KCNG3: variants seen among roughly 807,000 people sequenced by gnomAD.
KCNG3 encodes voltage-gated potassium channel regulatory subunit KCNG3.
KCNG3 carries 15 observed loss-of-function variants against 29.0 expected under a neutral mutation model. The ratio of observed to expected loss-of-function variants is 0.52; its 90% confidence interval spans 0.35 to 0.80. The LOEUF is 0.80. Among genes scored for constraint, KCNG3 ranks in the 30% least tolerant of loss-of-function variants. The pLI, the probability that KCNG3 is intolerant of heterozygous loss-of-function variation, is 0.01. For missense variants in KCNG3, 512 were observed against 605.7 expected (o/e 0.85, Z 1.62); for synonymous variants, 322 against 248.9 (o/e 1.29, Z -2.76).
chr2:42,477,352 T>A (rs909955046), intron 1 of KCNG3, among the ~76,000 whole-genome samples: 1 of 149,074 alleles, frequency 6.7e-6, no homozygotes, highest in Non-Finnish European at 1.5e-5. Context: ...TATATATATG[T>A]GTGTGTATAT....
intron 1 of KCNG3, among the ~76,000 whole-genome samples, chr2:42,476,960 G>A (rs929638261): frequency 1.4e-5 from 2 of 147,544 alleles, no homozygotes; most frequent in Non-Finnish European, 1.5e-5. Context: ...CTGAGACGGC[G>A]AGATCACGAG....
intron 1 of KCNG3, among the ~76,000 whole-genome samples, chr2:42,475,139 G>T (rs186707727): frequency 7.0e-4 from 106 of 152,118 alleles, no homozygotes; most frequent in African/African-American, 2.6e-3. Flanking sequence ...ACCTTTCTCT[G>T]CAACAACAAA....
At chr2:42,486,500 A>C (rs547472813) in intron 1 of KCNG3, among the ~76,000 whole-genome samples, 65 of 152,300 alleles carry the variant, frequency 4.3e-4, no homozygotes, top group Admixed American at 2.2e-3. Flanking sequence ...AAGAAAATCC[A>C]AACTCCTTCC....
intron 1 of KCNG3, among the ~76,000 whole-genome samples, chr2:42,460,624 A>G (rs1427976983): frequency 1.3e-5 from 2 of 152,222 alleles, no homozygotes; most frequent in Non-Finnish European, 2.9e-5. Flanking sequence ...TAATTTGGCA[A>G]AAACAAAATC....
chr2:42,407,219 C>G, the KCNG3 span, among the ~76,000 whole-genome samples: 1 of 150,196 alleles, frequency 6.7e-6, no homozygotes, highest in African/African-American at 2.5e-5. Context: ...GCTCCATCGC[C>G]CAGGCTGGAG....
chr2:42,444,147 C>G lies in KCNG3; in HGVS notation c.1098G>C (p.Trp366Cys), dbSNP rs1672546287. ...CAACTGTAGTCATAGAGATAATCAC[C>G]CACCAGCAGGCAGCAGGAATGCTGG... ...DFTSIPAACW[W>C]VIISMTTVGY... is the part of the protein sequence containing the mutation. Residue 366 changes from tryptophan to cysteine, a missense_variant, in exon 2 of 2, where the codon TGG becomes TGC. Physicochemically the swap from Trp to Cys is radical, Grantham distance 215. Transcript: ENST00000306078. This position sits in a 1 kb window ranked among gnomAD's most constrained non-coding sequence, Gnocchi z 5.8. 1 of 1,614,012 alleles carries G rather than the reference C, an allele frequency of 6.2e-7. No individual in the cohort carries two copies. Among genetic ancestry groups the G allele is most frequent in the African/African-American group, 1.3e-5 (1 of 74,904 alleles).
the KCNG3 span, among the ~76,000 whole-genome samples, chr2:42,407,399 C>T: frequency 6.6e-6 from 1 of 152,148 alleles, no homozygotes; most frequent in Non-Finnish European, 1.5e-5. Flanking sequence ...AACTCTTGGA[C>T]TCAAATGTTC....
the KCNG3 span, among the ~76,000 whole-genome samples, chr2:42,389,279 C>A: frequency 6.6e-6 from 1 of 152,192 alleles, no homozygotes; most frequent in South Asian, 2.1e-4. Flanking sequence ...AGTCTTTCCA[C>A]ATCATCAAAC....
chr2:42,480,960 T>C lies in KCNG3; in HGVS notation c.665+11877A>G, dbSNP rs182465193. On this transcript the variant is annotated intron_variant, in intron 1 of 1. Transcript: ENST00000306078. ...CACACCTGGCTAATTTTTCTATTTT[T>C]AGTAGAGACAGGGTTTCGCCATGTT... Among the ~76,000 whole-genome samples the C allele has an allele frequency of 3.0e-3, 457 of 152,130 alleles. 3 individuals carry two copies. The highest frequency in any genetic ancestry group is 0.011 in the African/African-American group (437 of 41,510).
At chr2:42,456,076 A>G (rs1248998660) in intron 1 of KCNG3, among the ~76,000 whole-genome samples, 4 of 151,838 alleles carry the variant, frequency 2.6e-5, no homozygotes. Flanking sequence ...GTTACTTACT[A>G]ATCATATTTA....
At position 42,476,621 on chromosome 2, in the gene KCNG3, G is replaced by T. The variant is rs141808368; in HGVS notation, c.665+16216C>A. Among the ~76,000 whole-genome samples, 479 of 151,874 alleles carry T rather than the reference G, an allele frequency of 3.2e-3. 6 individuals carry two copies. The highest frequency in any genetic ancestry group is 0.021 in the Admixed American group (313 of 15,258). Reference sequence around the variant, plus strand: ...CATGCCTAAGCCTCCCAAGTAGCTGGGGTTATAGGCGCACACCACCATGCC... The same window carrying T: ...CATGCCTAAGCCTCCCAAGTAGCTGTGGTTATAGGCGCACACCACCATGCC... On this transcript the variant is annotated intron_variant, in intron 1 of 1. Transcript: ENST00000306078.
intron 1 of KCNG3, among the ~76,000 whole-genome samples, chr2:42,448,344 C>CTTATTTATTTATTTAT (rs5830729): frequency 7.5e-5 from 11 of 145,760 alleles, no homozygotes; most frequent in East Asian, 6.1e-4. Flanking sequence ...CCACTTCCCA[C>CTTATTTATTTATTTAT]TTATTTATTT....
At chr2:42,473,063 G>C (rs761537427) in intron 1 of KCNG3, among the ~76,000 whole-genome samples, 3 of 150,876 alleles carry the variant, frequency 2.0e-5, no homozygotes, top group Non-Finnish European at 4.4e-5. Flanking sequence ...CACCACGCCC[G>C]GCTAATCTAT....
At chr2:42,397,521 GTTTA>G in the KCNG3 span, among the ~76,000 whole-genome samples, 3 of 152,102 alleles carry the variant, frequency 2.0e-5, no homozygotes, top group Non-Finnish European at 4.4e-5. Context: ...TGGAATTATG[GTTTA>G]CATATTCAAA....
the KCNG3 span, among the ~76,000 whole-genome samples, chr2:42,397,948 G>A: frequency 6.6e-6 from 1 of 152,150 alleles, no homozygotes; most frequent in East Asian, 1.9e-4. Flanking sequence ...GACGGGCTGG[G>A]CACGGTGGCT....
intron 1 of KCNG3, among the ~76,000 whole-genome samples, chr2:42,451,168 G>GCA (rs1243920158): frequency 8.4e-6 from 1 of 119,536 alleles, no homozygotes; most frequent in East Asian, 2.6e-4. Flanking sequence ...TAGTACCACT[G>GCA]CACTCCAGCC....
At chr2:42,413,478 A>G in the KCNG3 span, among the ~76,000 whole-genome samples, 11 of 151,994 alleles carry the variant, frequency 7.2e-5, no homozygotes, top group Admixed American at 5.9e-4. Flanking sequence ...AGACTGATAA[A>G]ATTTTCTTTA....
the KCNG3 span, among the ~76,000 whole-genome samples, chr2:42,412,798 G>A: frequency 6.6e-6 from 1 of 152,050 alleles, no homozygotes. Context: ...ATTTAAAAGG[G>A]CATTCAGTGA....
At chr2:42,476,278 C>T (rs559903336) in intron 1 of KCNG3, among the ~76,000 whole-genome samples, 5 of 150,934 alleles carry the variant, frequency 3.3e-5, no homozygotes, top group African/African-American at 1.2e-4. Context: ...TCGAGACCAG[C>T]CTGGGCAACA....
Sources: gnomAD v4.1 joint callset for allele counts (sites outside exome capture counted in the v4.1 genomes callset) on GRCh38, gnomAD v4.1.1 for gene constraint, Gnocchi (gnomAD v3.1) non-coding constraint, MANE v1.5 for transcripts, NCBI Gene and HGNC (gene_info 2026-07-23, HGNC 2026-07-21) for gene names.